Variants in CHEK2 observed in about 807,000 individuals in gnomAD.
The protein encoded by CHEK2 is serine/threonine-protein kinase Chk2.
A neutral mutation model predicts 69.1 loss-of-function variants in CHEK2; 71 were observed. The observed-to-expected ratio is 1.03, with a 90% CI of 0.85 to 1.25. The LOEUF (loss-of-function observed/expected upper bound fraction) is 1.25. Ranked by LOEUF, CHEK2 falls within the 50% of genes most tolerant of loss-of-function variation. The pLI, the probability that CHEK2 is intolerant of heterozygous loss-of-function variation, is 0.00. For missense variants in CHEK2, 664 were observed against 649.6 expected (o/e 1.02, Z -0.24); for synonymous variants, 189 against 226.9 (o/e 0.83, Z 1.50).
rs918719041 is a variant in CHEK2, at chr22:28,740,935, C to T, written c.-7+834G>A. Among the ~76,000 whole-genome samples, 3 of 152,044 alleles carry T rather than the reference C, an allele frequency of 2.0e-5. 1 individual carries two copies. In the South Asian group the frequency reaches 6.2e-4, roughly 32 times the overall value. On this transcript the variant is annotated intron_variant, in intron 1 of 14. Coordinates refer to ENST00000404276, the MANE Select transcript of CHEK2 (RefSeq NM_007194.4). Reference sequence around the variant, plus strand: ...CTTTGGGAGGCCAAGGCAGGTGGATCACCTGAGGTCAGGAGTTCGGGATCA... The same window carrying T: ...CTTTGGGAGGCCAAGGCAGGTGGATTACCTGAGGTCAGGAGTTCGGGATCA...
chr22:28,693,051 G>C (rs894836640), intron 13 of CHEK2, among the ~76,000 whole-genome samples: 1 of 151,960 alleles, frequency 6.6e-6, no homozygotes, highest in African/African-American at 2.4e-5. Context: ...ACCCAGTCTT[G>C]GGCAGTTCTT....
intron 10 of CHEK2, 63 bp downstream of exon 10, chr22:28,696,838 G>T (rs2052602699): frequency 1.9e-6 from 2 of 1,058,596 alleles, no homozygotes; most frequent in South Asian, 2.5e-5. Context: ...TTTATTTGAG[G>T]AATTAAAAGT....
At chr22:28,701,933 AT>A (rs1440365278) in intron 8 of CHEK2, among the ~76,000 whole-genome samples, 1 of 149,896 alleles carries the variant, frequency 6.7e-6, no homozygotes. Flanking sequence ...CATATAATCT[AT>A]GTATATCATC....
At chr22:28,731,726 G>A (rs961725758) in intron 2 of CHEK2, among the ~76,000 whole-genome samples, 2 of 151,800 alleles carry the variant, frequency 1.3e-5, no homozygotes, top group Non-Finnish European at 2.9e-5. Flanking sequence ...ATGGGGTCTC[G>A]CTATATTGCC....
At chr22:28,714,784 C>G (rs2053531635) in intron 5 of CHEK2, among the ~76,000 whole-genome samples, 1 of 152,102 alleles carries the variant, frequency 6.6e-6, no homozygotes, top group African/African-American at 2.4e-5. Flanking sequence ...ATATTTCATT[C>G]TTGGTTCCAC....
intron 9 of CHEK2, among the ~76,000 whole-genome samples, chr22:28,698,382 G>A (rs1475133492): frequency 1.3e-5 from 2 of 151,936 alleles, no homozygotes; most frequent in Non-Finnish European, 2.9e-5. Flanking sequence ...GCGACACAGT[G>A]AGACATCATC....
intron 12 of CHEK2, 28 bp from the exon 13 acceptor site, chr22:28,694,145 T>C (rs750007688): frequency 2.1e-6 from 3 of 1,442,662 alleles, no homozygotes; most frequent in Non-Finnish European, 1.9e-6. Flanking sequence ...CAAATCACAG[T>C]GAAAAGGATA....
intron 7 of CHEK2, 24 bp from the exon 8 acceptor site, chr22:28,703,590 G>A (rs1267065351): frequency 6.9e-7 from 1 of 1,458,252 alleles, no homozygotes; most frequent in Non-Finnish European, 9.5e-7. Context: ...GAGAAAAAAG[G>A]GAAAGTAGTG....
intron 7 of CHEK2, among the ~76,000 whole-genome samples, chr22:28,708,541 A>G (rs2053257342): frequency 6.6e-6 from 1 of 152,132 alleles, no homozygotes; most frequent in South Asian, 2.1e-4. Context: ...CCACTCACAG[A>G]GTTCTAAAGG....
rs187523654 is a variant in CHEK2, at chr22:28,724,888, A to T, written c.592+89T>A. 7.4e-5 allele frequency: 103 copies of T among 1,385,938 alleles called. 1 individual carries two copies. The East Asian group carries it at 2.3e-3, about 31-fold the overall frequency. 85.9% of individuals were successfully genotyped at this position (1,385,938 alleles called of 1,614,324 possible). ...GCAACTTACTCATCTTTACTCACTT[A>T]AACCATATTCTGTAAGGACAGGACA... is the stretch of plus-strand genomic sequence containing the variant. On this transcript the variant is annotated intron_variant, in intron 4 of 14. Transcript: ENST00000404276.
chr22:28,721,221 G>T (rs916667788), intron 4 of CHEK2, among the ~76,000 whole-genome samples: 1 of 149,926 alleles, frequency 6.7e-6, no homozygotes, highest in Non-Finnish European at 1.5e-5. Context: ...GAGATTTATT[G>T]TACAACATGG....
chr22:28,691,861 A>C (rs1169749456), intron 13 of CHEK2, among the ~76,000 whole-genome samples: 1 of 152,230 alleles, frequency 6.6e-6, no homozygotes, highest in Non-Finnish European at 1.5e-5. Flanking sequence ...CACATTCCCA[A>C]CACTCAGTTC....
Position 28,724,964 on chromosome 22 carries a change from A to G in CHEK2, c.592+13T>C, listed in dbSNP as rs1057521311. On this transcript the variant is annotated intron_variant, in intron 4 of 14. Coordinates refer to ENST00000404276, the MANE Select transcript of CHEK2 (RefSeq NM_007194.4). ...AAAAAAAAATTCCAGTAACCATAAG[A>G]TAATAATATTACCTTTATTTCTGCT... 1 of 1,613,192 alleles carries G rather than the reference A, an allele frequency of 6.2e-7. No homozygotes were observed. Among genetic ancestry groups the G allele is most frequent in the African/African-American group, 1.3e-5 (1 of 75,008 alleles).
At chr22:28,730,244 G>A (rs1281418385) in intron 2 of CHEK2, among the ~76,000 whole-genome samples, 3 of 134,896 alleles carry the variant, frequency 2.2e-5, no homozygotes, top group Non-Finnish European at 4.8e-5. Context: ...AAGAAAAGAG[G>A]AGAGGAGAGG....
intron 1 of CHEK2, among the ~76,000 whole-genome samples, chr22:28,735,372 C>T (rs1917437716): frequency 2.0e-5 from 3 of 151,810 alleles, no homozygotes; most frequent in African/African-American, 7.2e-5. Flanking sequence ...CACCACTGCA[C>T]TCCAGCCTGG....
intron 5 of CHEK2, among the ~76,000 whole-genome samples, chr22:28,717,341 G>A (rs1387793984): frequency 6.6e-6 from 1 of 152,164 alleles, no homozygotes; most frequent in Non-Finnish European, 1.5e-5. Context: ...TCGTGCCACT[G>A]CACTCCAGCC....
At chr22:28,712,299 G>C (rs1484687160) in intron 5 of CHEK2, 4 of 427,778 alleles carry the variant, frequency 9.4e-6, no homozygotes, top group Non-Finnish European at 1.7e-5. Context: ...AAGATACTAA[G>C]AGAAAAATGA....
intron 7 of CHEK2, among the ~76,000 whole-genome samples, chr22:28,705,516 A>G (rs2053083950): frequency 6.6e-6 from 1 of 152,238 alleles, no homozygotes; most frequent in African/African-American, 2.4e-5. Flanking sequence ...TCAAGACCCA[A>G]AAACCTCTGG....
intron 11 of CHEK2, 116 bp downstream of exon 11, chr22:28,695,594 T>TG (rs1372155647): frequency 1.1e-6 from 1 of 871,782 alleles, no homozygotes; most frequent in East Asian, 2.6e-5. Context: ...AGGCAGAGGC[T>TG]ACAGTTAGCC....
Sources: allele counts gnomAD v4.1 joint callset (sites outside exome capture counted in the v4.1 genomes callset), GRCh38; gene constraint gnomAD v4.1.1; transcripts MANE v1.5; gene names NCBI Gene and HGNC (gene_info 2026-07-23, HGNC 2026-07-21).